PDE4D: variants seen among roughly 807,000 people sequenced by gnomAD.
PDE4D encodes the protein 3',5'-cyclic-AMP phosphodiesterase 4D.
Under a neutral mutation model 87.4 loss-of-function variants are expected in PDE4D, and 24 were observed. The observed-to-expected ratio is 0.27, with a 90% CI of 0.20 to 0.39. The LOEUF (loss-of-function observed/expected upper bound fraction) is 0.39, where lower values mean the gene tolerates loss of function less well. Ranked by LOEUF, PDE4D falls within the 10% of genes least tolerant of loss-of-function variation. The pLI is 1.00. For synonymous variants in PDE4D, 384 were observed against 383.2 expected (o/e 1.00, Z -0.02); for missense variants, 714 against 1,041.0 (o/e 0.69, Z 4.32).
chr5:59,617,665 G>A (rs1829863161), intron 1 of PDE4D, among the ~76,000 whole-genome samples: 1 of 152,196 alleles, frequency 6.6e-6, no homozygotes, highest in South Asian at 2.1e-4. Context: ...TACAAGCAAA[G>A]GAACTACCAG....
intron 1 of PDE4D, among the ~76,000 whole-genome samples, chr5:60,187,985 G>A (rs957367756): frequency 6.6e-6 from 1 of 152,140 alleles, no homozygotes; most frequent in Non-Finnish European, 1.5e-5. Context: ...CTCATAGGAG[G>A]TATTTGGGTC....
intron 5 of PDE4D, among the ~76,000 whole-genome samples, chr5:59,144,502 A>G (rs572107748): frequency 1.3e-5 from 2 of 152,318 alleles, no homozygotes; most frequent in South Asian, 4.1e-4. Context: ...ATAATACTCA[A>G]TGAGAAAAAA....
intron 1 of PDE4D, among the ~76,000 whole-genome samples, chr5:60,317,613 T>C (rs1404799637): frequency 6.6e-6 from 1 of 152,258 alleles, no homozygotes; most frequent in South Asian, 2.1e-4. Context: ...CTGCTTTCTC[T>C]TGTGGGCATT....
intron 1 of PDE4D, among the ~76,000 whole-genome samples, chr5:60,212,894 T>C (rs1385898527): frequency 9.8e-5 from 15 of 152,336 alleles, no homozygotes; most frequent in Middle Eastern, 3.4e-3. Context: ...ACTTCCTTCT[T>C]CCTAAACTTT....
intron 3 of PDE4D, among the ~76,000 whole-genome samples, chr5:59,977,807 G>C (rs564529044): frequency 2.4e-4 from 37 of 152,262 alleles, no homozygotes; most frequent in South Asian, 6.2e-4. Context: ...TGACTCTCCT[G>C]GTAGGAGCTA....
At chr5:60,056,233 T>C (rs1182787680) in intron 2 of PDE4D, among the ~76,000 whole-genome samples, 7 of 152,066 alleles carry the variant, frequency 4.6e-5, no homozygotes. Flanking sequence ...GCATTTTCTA[T>C]TTCAGTTCAT....
intron 1 of PDE4D, among the ~76,000 whole-genome samples, chr5:60,425,097 G>A (rs549691701): frequency 2.0e-5 from 3 of 152,216 alleles, no homozygotes; most frequent in Non-Finnish European, 2.9e-5. Flanking sequence ...TTGTGAAAAC[G>A]GCCACACTGC....
At chr5:59,477,373 A>AAAAT (rs1554190139) in intron 1 of PDE4D, among the ~76,000 whole-genome samples, 14 of 143,044 alleles carry the variant, frequency 9.8e-5, no homozygotes, top group African/African-American at 2.9e-4. Flanking sequence ...AAAAAAAAAA[A>AAAAT]ATTAAAGAAT....
At chr5:60,510,601 T>C (rs192483989) in intron 1 of PDE4D, among the ~76,000 whole-genome samples, 2 of 152,280 alleles carry the variant, frequency 1.3e-5, no homozygotes, top group East Asian at 3.9e-4. Flanking sequence ...GAGTATAGGC[T>C]GCAGGAAAGG....
chr5:60,080,395 T>C (rs1280120788), intron 2 of PDE4D, among the ~76,000 whole-genome samples: 1 of 152,200 alleles, frequency 6.6e-6, no homozygotes, highest in Non-Finnish European at 1.5e-5. Context: ...CTGATTGCCC[T>C]GGTCAGAACT....
chr5:59,755,722 C>A (rs1761119824), intron 1 of PDE4D, among the ~76,000 whole-genome samples: 1 of 151,714 alleles, frequency 6.6e-6, no homozygotes, highest in Non-Finnish European at 1.5e-5. Context: ...CAAAGTAAAA[C>A]AAATACTATT....
At chr5:59,670,838 C>A (rs1377754846) in intron 1 of PDE4D, among the ~76,000 whole-genome samples, 2 of 146,542 alleles carry the variant, frequency 1.4e-5, no homozygotes, top group East Asian at 4.0e-4. Context: ...AGAGTTTTTA[C>A]TTTTTTTTTT....
At chr5:59,000,214 G>A (rs1167044319) in intron 6 of PDE4D, among the ~76,000 whole-genome samples, 2 of 152,266 alleles carry the variant, frequency 1.3e-5, no homozygotes, top group African/African-American at 4.8e-5. Flanking sequence ...CTCAAAATTC[G>A]TAGTTCATTC....
At position 60,378,895 on chromosome 5, in the gene PDE4D, G is replaced by GAGAA. The variant is rs527943468; in HGVS notation, c.-90+109043_-90+109046dup. ...AGAAAGAAAGAAAGAGAGAGAGAGA[G>GAGAA]AGAAAGAAAGAAAGAAAGAAAGCAG... On this transcript the variant is annotated intron_variant, in intron 1 of 16. Coordinates refer to the PDE4D transcript ENST00000502484. Among the ~76,000 whole-genome samples, 287 of 151,876 alleles carry GAGAA rather than the reference G, an allele frequency of 1.9e-3. 1 individual carries two copies. The highest frequency in any genetic ancestry group is 4.3e-3 in the Admixed American group (66 of 15,212).
intron 1 of PDE4D, among the ~76,000 whole-genome samples, chr5:60,479,489 G>T (rs1245477734): frequency 6.6e-6 from 1 of 152,198 alleles, no homozygotes; most frequent in Non-Finnish European, 1.5e-5. Flanking sequence ...AAGGGATGTG[G>T]TGCTGCAAAT....
intron 1 of PDE4D, among the ~76,000 whole-genome samples, chr5:59,546,515 G>T (rs1042297111): frequency 6.6e-6 from 1 of 152,002 alleles, no homozygotes; most frequent in African/African-American, 2.4e-5. Context: ...GAACAGGATG[G>T]ATATATGACA....
intron 1 of PDE4D, among the ~76,000 whole-genome samples, chr5:60,506,315 T>C (rs909094889): frequency 4.6e-5 from 7 of 152,220 alleles, no homozygotes; most frequent in African/African-American, 1.4e-4. Context: ...ATACCCTATG[T>C]ATGCACATAT....
At chr5:59,463,272 A>G (rs905292698) in intron 1 of PDE4D, among the ~76,000 whole-genome samples, 1 of 152,214 alleles carries the variant, frequency 6.6e-6, no homozygotes, top group African/African-American at 2.4e-5. Flanking sequence ...GAAATTCCCC[A>G]ATTCCTTATA....
At chr5:59,148,112 G>A (rs1001083059) in intron 5 of PDE4D, among the ~76,000 whole-genome samples, 2 of 151,948 alleles carry the variant, frequency 1.3e-5, no homozygotes, top group African/African-American at 4.8e-5. Flanking sequence ...AAGTGACATA[G>A]TTATGTCACT....
Sources: gnomAD v4.1 joint callset for allele counts (sites outside exome capture counted in the v4.1 genomes callset) on GRCh38, gnomAD v4.1.1 for gene constraint, MANE v1.5 for transcripts, NCBI Gene and HGNC (gene_info 2026-07-23, HGNC 2026-07-21) for gene names.